Variants in ARID2 observed in about 807,000 individuals in gnomAD.
The protein encoded by ARID2 is AT-rich interactive domain-containing protein 2.
In ARID2, 32 loss-of-function variants were observed where a neutral mutation model predicts 184.6. That is an observed-to-expected ratio of 0.17 (90% CI 0.13 to 0.23). The LOEUF (loss-of-function observed/expected upper bound fraction) is 0.23, where lower values mean the gene tolerates loss of function less well. ARID2 is among the 10% of genes least tolerant of loss of function. The pLI is 1.00. For missense variants in ARID2, 1,696 were observed against 2,197.6 expected, an observed-to-expected ratio of 0.77 and a Z score of 4.56; for synonymous variants, 836 against 772.6, an observed-to-expected ratio of 1.08 and a Z score of -1.36.
chr12:45,781,893 A>T (rs1423207355), intron 3 of ARID2, among the ~76,000 whole-genome samples: 2 of 152,252 alleles, frequency 1.3e-5, no homozygotes. Flanking sequence ...TTTATGGTAC[A>T]GTATCTATTA....
intron 3 of ARID2, among the ~76,000 whole-genome samples, chr12:45,784,655 C>T (rs191892186): frequency 6.6e-6 from 1 of 152,182 alleles, no homozygotes; most frequent in Admixed American, 6.5e-5. Context: ...CAGAGTGAGA[C>T]CTTGTCTCAA....
At chr12:45,835,544 G>C (rs1943204159) in intron 6 of ARID2, among the ~76,000 whole-genome samples, 1 of 151,888 alleles carries the variant, frequency 6.6e-6, no homozygotes, top group Admixed American at 6.6e-5. Context: ...TAATGTCACA[G>C]ATACTGCTAA....
At chr12:45,873,303 T>G (rs942810308) in intron 16 of ARID2, among the ~76,000 whole-genome samples, 11 of 152,200 alleles carry the variant, frequency 7.2e-5, no homozygotes, top group African/African-American at 2.2e-4. Flanking sequence ...TTATCCTCTC[T>G]GTCTTTTAAT....
At chr12:45,759,369 G>C (rs139318120) in intron 3 of ARID2, among the ~76,000 whole-genome samples, 8 of 152,026 alleles carry the variant, frequency 5.3e-5, no homozygotes, top group African/African-American at 1.7e-4. Flanking sequence ...TGTACAGACT[G>C]TCTATCAAAA....
chr12:45,736,865 A>C (rs2137971657), intron 3 of ARID2, among the ~76,000 whole-genome samples: 1 of 152,224 alleles, frequency 6.6e-6, no homozygotes, highest in East Asian at 1.9e-4. Flanking sequence ...TTTTGGGGAA[A>C]CATTACTACT....
At chr12:45,871,463 G>T (rs975898340) in intron 16 of ARID2, among the ~76,000 whole-genome samples, 5 of 152,010 alleles carry the variant, frequency 3.3e-5, no homozygotes, top group African/African-American at 1.2e-4. Flanking sequence ...ATTTTACTTT[G>T]TCATGGCATA....
At chr12:45,760,967 T>A (rs1941666965) in intron 3 of ARID2, among the ~76,000 whole-genome samples, 1 of 152,200 alleles carries the variant, frequency 6.6e-6, no homozygotes, top group African/African-American at 2.4e-5. Flanking sequence ...ATTTAAGCAG[T>A]CCTTCCATGT....
At chr12:45,744,539 T>C (rs1941321633) in intron 3 of ARID2, among the ~76,000 whole-genome samples, 1 of 152,246 alleles carries the variant, frequency 6.6e-6, no homozygotes, top group Non-Finnish European at 1.5e-5. Context: ...GCTACAGTGC[T>C]GATAAATTTG....
intron 16 of ARID2, among the ~76,000 whole-genome samples, chr12:45,880,294 T>C (rs1051522632): frequency 2.0e-5 from 3 of 152,218 alleles, no homozygotes; most frequent in Non-Finnish European, 4.4e-5. Flanking sequence ...ATCTCAAATA[T>C]ATTCTAAACA....
At chr12:45,777,212 G>T (rs938991852) in intron 3 of ARID2, among the ~76,000 whole-genome samples, 23 of 152,024 alleles carry the variant, frequency 1.5e-4, no homozygotes, top group African/African-American at 5.1e-4. Context: ...TTAAAGAAAA[G>T]AAGTCTAAAA....
intron 3 of ARID2, among the ~76,000 whole-genome samples, chr12:45,752,328 C>T (rs932261791): frequency 1.7e-4 from 26 of 152,314 alleles, no homozygotes; most frequent in African/African-American, 5.3e-4. Context: ...ATCTTAGCTC[C>T]TTAAAAACAG....
chr12:45,790,641 G>A (rs1942276403), intron 3 of ARID2, among the ~76,000 whole-genome samples: 1 of 152,056 alleles, frequency 6.6e-6, no homozygotes, highest in Admixed American at 6.5e-5. Context: ...TTTATTAATG[G>A]TAATAAATTA....
intron 3 of ARID2, among the ~76,000 whole-genome samples, chr12:45,778,126 G>A (rs889918550): frequency 6.6e-6 from 1 of 152,116 alleles, no homozygotes; most frequent in Non-Finnish European, 1.5e-5. Context: ...GGAATCGCTT[G>A]AACCCGGGAG....
Position 45,836,897 on chromosome 12 carries a change from G to C in ARID2, c.929G>C (p.Arg310Pro), listed in dbSNP as rs1325578765. The C allele has an allele frequency of 1.9e-6, 3 of 1,614,088 alleles. No homozygotes were observed. Among genetic ancestry groups the C allele is most frequent in the East Asian group, 2.2e-5 (1 of 44,858 alleles). Residue 310 changes from arginine (R) to proline (P), a missense_variant, in exon 8 of 21, where the codon CGT becomes CCT. Coordinates refer to ENST00000334344, the MANE Select transcript of ARID2 (RefSeq NM_152641.4). ...EGNVKLLAAN[R>P]TCLRFLLLSA... Reference sequence around the variant, plus strand: ...AATGTTAAGCTCTTGGCAGCTAATCGTACCTGTCTTCGTTTCCTATTACTT... The same window carrying C: ...AATGTTAAGCTCTTGGCAGCTAATCCTACCTGTCTTCGTTTCCTATTACTT...
rs1943572351 is a variant in ARID2, at chr12:45,852,475, C to G, written c.4352C>G (p.Pro1451Arg). 1 of 1,614,138 alleles carries G rather than the reference C, an allele frequency of 6.2e-7. No homozygotes were observed. The highest frequency in any genetic ancestry group is 8.5e-7 in the Non-Finnish European group (1 of 1,180,004). The change falls in exon 15 of 21, where the codon CCT (proline) becomes CGT (arginine). Residue 1451 changes from proline to arginine, a missense_variant. By Grantham distance (103) the Pro-to-Arg change is moderately radical (BLOSUM62 -2). Transcript: ENST00000334344. Reference protein sequence around the residue: ...QFSGTDLLNGPLASSLNSDVP... With the variant: ...QFSGTDLLNGRLASSLNSDVP... ...AGTGGTACTGATTTGCTTAATGGACCTCTAGCTTCAAGTTTGAATTCAGAT... is the reference window on the plus strand; with the variant it reads ...AGTGGTACTGATTTGCTTAATGGACGTCTAGCTTCAAGTTTGAATTCAGAT...
intron 3 of ARID2, 96 bp downstream of exon 3, chr12:45,731,410 C>T: frequency 1.2e-6 from 1 of 807,822 alleles, no homozygotes; most frequent in East Asian, 2.5e-5. Flanking sequence ...GCACACCAAA[C>T]AGTTCTTAAG....
At chr12:45,804,479 CGT>C (rs1428574052) in intron 3 of ARID2, among the ~76,000 whole-genome samples, 3 of 149,400 alleles carry the variant, frequency 2.0e-5, no homozygotes, top group Non-Finnish European at 3.0e-5. Context: ...CTAGTGTGTG[CGT>C]GTGTGTGCGT....
intron 3 of ARID2, among the ~76,000 whole-genome samples, chr12:45,776,679 G>T (rs1270290028): frequency 6.6e-6 from 1 of 151,876 alleles, no homozygotes; most frequent in African/African-American, 2.4e-5. Context: ...GCTGGGCATG[G>T]TGGATCATGC....
At chr12:45,872,143 A>AT (rs1225661038) in intron 16 of ARID2, among the ~76,000 whole-genome samples, 2 of 148,696 alleles carry the variant, frequency 1.3e-5, no homozygotes, top group Non-Finnish European at 3.0e-5. Flanking sequence ...CTCTTTTATT[A>AT]TTTTTTTTCT....
Sources: gnomAD v4.1 joint callset for allele counts (sites outside exome capture counted in the v4.1 genomes callset) on GRCh38, gnomAD v4.1.1 for gene constraint, MANE v1.5 for transcripts, NCBI Gene and HGNC (gene_info 2026-07-23, HGNC 2026-07-21) for gene names.